Variants in DNAH9 observed in about 807,000 individuals in gnomAD.
The protein encoded by DNAH9 is DNAH9 variant protein.
In DNAH9, 345 loss-of-function variants were observed where a neutral mutation model predicts 471.6. The observed-to-expected ratio is 0.73, with a 90% CI of 0.67 to 0.80. The LOEUF is 0.80. Among genes scored for constraint, DNAH9 ranks in the 30% least tolerant of loss-of-function variants. The pLI is 0.00. For synonymous variants in DNAH9, 2,093 were observed against 2,123.6 expected (o/e 0.99, Z 0.40); for missense variants, 5,407 against 5,609.2 (o/e 0.96, Z 1.15).
At chr17:11,966,419 CAGAG>C (rs1053867675) in intron 68 of DNAH9, among the ~76,000 whole-genome samples, 16 of 151,882 alleles carry the variant, frequency 1.1e-4, no homozygotes, top group South Asian at 8.3e-4. Context: ...GAGAGAGAGA[CAGAG>C]AGAGAGAGAA....
At chr17:11,848,918 G>C (rs1037914141) in intron 49 of DNAH9, among the ~76,000 whole-genome samples, 1 of 151,682 alleles carries the variant, frequency 6.6e-6, no homozygotes, top group Non-Finnish European at 1.5e-5. Context: ...CTCACTGCAA[G>C]CTCTGCCTCC....
rs755476183 is a variant in DNAH9 at position 11,632,582 on chromosome 17, T to C, written c.1519-5T>C. ...TTTCCTTATATATATATGGTGTCTC[T>C]TCAGGACTTTGAAAATGACGTCTCT... On this transcript the variant is annotated splice_region_variant and splice_polypyrimidine_tract_variant and intron_variant, in intron 7 of 68. Coordinates refer to ENST00000262442, the MANE Select transcript of DNAH9 (RefSeq NM_001372.4). 3 of 1,465,052 alleles carry C rather than the reference T, an allele frequency of 2.0e-6. No homozygotes were observed. In the South Asian group the frequency reaches 3.4e-5, roughly 17 times the overall value. 90.8% of individuals were successfully genotyped at this position (1,465,052 alleles called of 1,614,324 possible).
intron 67 of DNAH9, among the ~76,000 whole-genome samples, chr17:11,945,457 A>C (rs562546039): frequency 6.6e-6 from 1 of 151,818 alleles, no homozygotes; most frequent in East Asian, 2.0e-4. Flanking sequence ...GAATCGCTTT[A>C]ACCTGGGATG....
rs1379103428 is a variant in DNAH9, at chr17:11,807,758, C to A, written c.8447C>A (p.Ser2816Tyr). ...HVCHINRILE[S>Y]PRGNALLVGV... ...TGCCATATCAATCGCATCTTGGAGT[C>A]CCCGCGGGGAAATGCTCTGCTGGTT... The change falls in exon 44 of 69, where the codon TCC becomes TAC. Residue 2816 changes from serine (S) to tyrosine (Y), a missense_variant. Physicochemically the swap from Ser to Tyr is moderately radical, Grantham distance 144. Around this residue, in one of 3 missense-constraint regions of DNAH9, gnomAD observed 4,636 missense variants for 4,900.3 expected, o/e 0.95. Coordinates refer to ENST00000262442, the MANE Select transcript of DNAH9 (RefSeq NM_001372.4). The A allele has an allele frequency of 1.2e-6, 2 of 1,612,044 alleles. No individual in the cohort carries two copies. The highest frequency in any genetic ancestry group is 1.1e-5 in the South Asian group (1 of 90,978).
At chr17:11,959,747 T>C (rs915624239) in intron 67 of DNAH9, among the ~76,000 whole-genome samples, 8 of 152,214 alleles carry the variant, frequency 5.3e-5, no homozygotes, top group Non-Finnish European at 7.3e-5. Flanking sequence ...TGATGTGGCC[T>C]CAGATTCATC....
intron 27 of DNAH9, among the ~76,000 whole-genome samples, chr17:11,722,223 C>G (rs983200019): frequency 6.6e-6 from 1 of 152,130 alleles, no homozygotes; most frequent in African/African-American, 2.4e-5. Flanking sequence ...AAATGCGGAA[C>G]AAGGGCTAAG....
intron 43 of DNAH9, among the ~76,000 whole-genome samples, chr17:11,801,851 G>A (rs546265908): frequency 2.4e-4 from 37 of 152,092 alleles, no homozygotes; most frequent in Non-Finnish European, 4.0e-4. Context: ...TTCCATCAAT[G>A]TGGCTTCCAA....
At chr17:11,805,989 C>A (rs532464211) in intron 43 of DNAH9, among the ~76,000 whole-genome samples, 1 of 152,320 alleles carries the variant, frequency 6.6e-6, no homozygotes, top group African/African-American at 2.4e-5. Context: ...GCCTCAGCCT[C>A]CCAAAGTGCT....
chr17:11,603,872 G>A (rs539987252), intron 1 of DNAH9, among the ~76,000 whole-genome samples: 21 of 152,146 alleles, frequency 1.4e-4, no homozygotes, highest in East Asian at 9.7e-4. Context: ...ATCAGTCCTC[G>A]TTCGGCTTGA....
chr17:11,758,031 A>G (rs9900462), intron 35 of DNAH9, among the ~76,000 whole-genome samples: 58,401 of 152,010 alleles, frequency 0.38, 12,773 homozygotes, highest in Admixed American at 0.51. Context: ...GCAGCTCTGC[A>G]TTTGTAATAA....
At position 11,854,166 on chromosome 17, in the gene DNAH9, C is replaced by G. The variant is rs371343982; in HGVS notation, c.9671C>G (p.Ser3224Trp). ...TMAKVDGFLD[S>W]LINFNKENIH... ...GCCAAAGTGGATGGCTTCCTGGACT[C>G]GCTAATAAACTTCAACAAAGAGAAC... The change falls in exon 50 of 69, where the codon TCG (serine) becomes TGG (tryptophan). Residue 3224 changes from serine (S) to tryptophan (W), a missense_variant. By Grantham distance (177) the Ser-to-Trp change is radical. Coordinates refer to ENST00000262442, the MANE Select transcript of DNAH9 (RefSeq NM_001372.4). 1.2e-6 allele frequency: 2 copies of G among 1,614,002 alleles called. No individual in the cohort carries two copies. Among genetic ancestry groups the G allele is most frequent in the African/African-American group, 2.7e-5 (2 of 74,896 alleles).
chr17:11,871,540 G>C, intron 51 of DNAH9, 58 bp from the exon 52 acceptor site: 1 of 1,513,228 alleles, frequency 6.6e-7, no homozygotes, highest in Non-Finnish European at 9.1e-7. Flanking sequence ...ATGGAATCAC[G>C]GCTCTATCAC....
chr17:11,859,225 C>G (rs1033210443), intron 50 of DNAH9, among the ~76,000 whole-genome samples: 1 of 151,832 alleles, frequency 6.6e-6, no homozygotes, highest in Non-Finnish European at 1.5e-5. Flanking sequence ...CCACCTCGGC[C>G]CACATGGTGA....
At chr17:11,775,938 C>A (rs561747940) in intron 38 of DNAH9, among the ~76,000 whole-genome samples, 1 of 152,140 alleles carries the variant, frequency 6.6e-6, no homozygotes, top group Non-Finnish European at 1.5e-5. Flanking sequence ...ATAATACCTG[C>A]ATTTCTCCTC....
At chr17:11,728,264 A>G (rs118030899) in intron 28 of DNAH9, among the ~76,000 whole-genome samples, 2,347 of 152,326 alleles carry the variant, frequency 0.015, 35 homozygotes, top group Non-Finnish European at 0.023. Flanking sequence ...TTCTTTGGTT[A>G]TAAACCAAGG....
At chr17:11,644,721 G>C (rs562618173) in intron 11 of DNAH9, 22 bp downstream of exon 11, 2 of 1,580,192 alleles carry the variant, frequency 1.3e-6, no homozygotes, top group South Asian at 2.2e-5. Flanking sequence ...CTGGCATTGC[G>C]TGGGTCTGCA....
chr17:11,866,419 C>G (rs1431442610), intron 50 of DNAH9, among the ~76,000 whole-genome samples: 3 of 152,278 alleles, frequency 2.0e-5, no homozygotes, highest in South Asian at 2.1e-4. Flanking sequence ...AGGTGTCAGT[C>G]TGCCCCTACT....
At chr17:11,891,171 C>T (rs139420573) in intron 57 of DNAH9, among the ~76,000 whole-genome samples, 18 of 152,256 alleles carry the variant, frequency 1.2e-4, no homozygotes, top group East Asian at 3.9e-4. Context: ...AAGCAGGCTA[C>T]GCTCCCTGCA....
rs1407942706 is a variant in DNAH9, at chr17:11,932,846, G to C, written c.12297+641G>C. Among the ~76,000 whole-genome samples the C allele has an allele frequency of 2.0e-5, 3 of 152,126 alleles. No individual in the cohort carries two copies. On this transcript the variant is annotated intron_variant, in intron 64 of 68. Transcript: ENST00000262442. The surrounding 1 kb of genome is among the most constrained non-coding windows in gnomAD (Gnocchi z 4.3). ...AGGTAGACTGTGATCAGCAGGAAGA[G>C]ACTTCACACTCGCCTGATATAAGTT...
Sources: gnomAD v4.1 joint callset for allele counts (sites outside exome capture counted in the v4.1 genomes callset) on GRCh38, gnomAD v4.1.1 for gene constraint, gnomAD v4.1.1 regional missense constraint, Gnocchi (gnomAD v3.1) non-coding constraint, MANE v1.5 for transcripts, NCBI Gene and HGNC (gene_info 2026-07-23, HGNC 2026-07-21) for gene names.